Variants in CBLB observed in about 807,000 individuals in gnomAD.
CBLB encodes the protein Cbl proto-oncogene B, also known as E3 ubiquitin-protein ligase CBL-B.
CBLB carries 31 observed loss-of-function variants against 104.9 expected under a neutral mutation model. The observed-to-expected ratio is 0.30, with a 90% confidence interval of 0.22 to 0.40. CBLB has a LOEUF of 0.40. Among genes scored for constraint, CBLB ranks in the 10% least tolerant of loss-of-function variants. CBLB has a pLI of 1.00. For synonymous variants in CBLB, 440 were observed against 422.6 expected, an observed-to-expected ratio of 1.04 and a Z score of -0.51; for missense variants, 1,062 against 1,214.6, an observed-to-expected ratio of 0.87 and a Z score of 1.87.
chr3:105,704,804 C>CTAAT (rs35987782), intron 10 of CBLB, among the ~76,000 whole-genome samples: 38,230 of 151,786 alleles, frequency 0.25, 4,983 homozygotes, highest in Non-Finnish European at 0.28. Context: ...CTGGCAAAAA[C>CTAAT]TAAGTTTCTG....
chr3:105,688,281 T>A, intron 13 of CBLB, among the ~76,000 whole-genome samples: 1 of 152,072 alleles, frequency 6.6e-6, no homozygotes, highest in South Asian at 2.1e-4. Context: ...ATGCTGTTAT[T>A]ACTGAGTTAA....
chr3:105,812,019 T>G (rs1307379072), intron 3 of CBLB, among the ~76,000 whole-genome samples: 1 of 152,066 alleles, frequency 6.6e-6, no homozygotes, highest in East Asian at 1.9e-4. Flanking sequence ...CCTTTTTTTT[T>G]GTTTTGTTTT....
intron 17 of CBLB, chr3:105,671,440 CT>C (rs2065050612): frequency 4.6e-6 from 1 of 216,302 alleles, no homozygotes; most frequent in African/African-American, 2.2e-5. Context: ...TGGCAAATAG[CT>C]TGCACTTAAT....
At chr3:105,775,003 C>T (rs1173707035) in intron 4 of CBLB, among the ~76,000 whole-genome samples, 2 of 152,164 alleles carry the variant, frequency 1.3e-5, no homozygotes, top group Non-Finnish European at 2.9e-5. Context: ...CTGAACCTGG[C>T]AAGATTGTTC....
chr3:105,755,472 G>T lies in CBLB; in HGVS notation c.567-3854C>A, dbSNP rs184135411. Among the ~76,000 whole-genome samples the T allele has an allele frequency of 9.0e-4, 133 of 148,126 alleles. 1 individual carries two copies. The highest frequency in any genetic ancestry group is 3.2e-3 in the African/African-American group (129 of 40,052). ...ATTTTAAGAAAAGGTAAGAAGAATG[G>T]AAAATAGAAAGTGTGAGGAGAATGA... On this transcript the variant is annotated intron_variant, in intron 4 of 18. Transcript: ENST00000394030.
At chr3:105,733,892 C>T (rs2074614403) in intron 9 of CBLB, 117 bp downstream of exon 9, 3 of 883,768 alleles carry the variant, frequency 3.4e-6, no homozygotes, top group Non-Finnish European at 5.4e-6. Flanking sequence ...AAAATCTTTA[C>T]ACAATCATTT....
At chr3:105,766,005 T>C (rs2078180542) in intron 4 of CBLB, among the ~76,000 whole-genome samples, 1 of 152,136 alleles carries the variant, frequency 6.6e-6, no homozygotes, top group South Asian at 2.1e-4. Flanking sequence ...CTAATGCCAC[T>C]AAGAACATTT....
chr3:105,782,458 A>G (rs1013810844), intron 3 of CBLB, among the ~76,000 whole-genome samples: 1 of 152,020 alleles, frequency 6.6e-6, no homozygotes, highest in Non-Finnish European at 1.5e-5. Context: ...AAGATCTTAC[A>G]TTTCCTTTGT....
chr3:105,718,415 G>A (rs1224647265), intron 10 of CBLB, among the ~76,000 whole-genome samples: 1 of 152,164 alleles, frequency 6.6e-6, no homozygotes, highest in African/African-American at 2.4e-5. Flanking sequence ...CTAAGGGAAT[G>A]TATTTGGTCA....
At chr3:105,800,686 C>G (rs1453562122) in intron 3 of CBLB, among the ~76,000 whole-genome samples, 1 of 152,074 alleles carries the variant, frequency 6.6e-6, no homozygotes, top group Non-Finnish European at 1.5e-5. Flanking sequence ...CAAACCCCCC[C>G]ACCCACTTCC....
intron 10 of CBLB, among the ~76,000 whole-genome samples, chr3:105,708,899 A>G (rs1040233513): frequency 1.3e-5 from 2 of 152,002 alleles, no homozygotes; most frequent in Non-Finnish European, 2.9e-5. Flanking sequence ...TTTGATGTAA[A>G]AGGGACAGAA....
chr3:105,760,836 C>T (rs185580634), intron 4 of CBLB, among the ~76,000 whole-genome samples: 3 of 152,264 alleles, frequency 2.0e-5, no homozygotes, highest in Non-Finnish European at 2.9e-5. Context: ...TTTAATAAAA[C>T]TACTGATATT....
intron 17 of CBLB, among the ~76,000 whole-genome samples, chr3:105,677,446 C>A (rs568983038): frequency 7.3e-5 from 11 of 151,366 alleles, no homozygotes; most frequent in Admixed American, 3.3e-4. Context: ...AATAAAGATT[C>A]TCAAGTTTCC....
At chr3:105,661,746 T>A (rs1175586789) in intron 18 of CBLB, among the ~76,000 whole-genome samples, 1 of 152,188 alleles carries the variant, frequency 6.6e-6, no homozygotes, top group African/African-American at 2.4e-5. Flanking sequence ...CGCTAAGATC[T>A]TGGGCTAAGC....
chr3:105,835,097 C>T (rs1227281140), intron 3 of CBLB, among the ~76,000 whole-genome samples: 1 of 152,072 alleles, frequency 6.6e-6, no homozygotes. Context: ...ATTTTAACTG[C>T]AAAAAGGAAT....
At chr3:105,769,441 T>C (rs908507282) in intron 4 of CBLB, among the ~76,000 whole-genome samples, 13 of 152,154 alleles carry the variant, frequency 8.5e-5, no homozygotes, top group Non-Finnish European at 1.6e-4. Context: ...AACCTCTCAA[T>C]TGAGAAATGG....
chr3:105,722,229 G>GA (rs1559959298), intron 9 of CBLB, among the ~76,000 whole-genome samples: 2 of 138,594 alleles, frequency 1.4e-5, no homozygotes, highest in Non-Finnish European at 3.2e-5. Flanking sequence ...GAAAAGAAAA[G>GA]AAAAAAAGAA....
chr3:105,687,552 G>T (rs888991954), intron 13 of CBLB, among the ~76,000 whole-genome samples: 4 of 151,874 alleles, frequency 2.6e-5, no homozygotes, highest in African/African-American at 7.2e-5. Context: ...AGATTTTAGA[G>T]AATTATATCT....
chr3:105,660,119 C>A (rs2063641727), intron 18 of CBLB, among the ~76,000 whole-genome samples: 1 of 152,146 alleles, frequency 6.6e-6, no homozygotes, highest in Admixed American at 6.5e-5. Context: ...GCACTTTCAT[C>A]ATGTATTTCC....
Sources: gnomAD v4.1 joint callset for allele counts (sites outside exome capture counted in the v4.1 genomes callset) on GRCh38, gnomAD v4.1.1 for gene constraint, MANE v1.5 for transcripts, NCBI Gene and HGNC (gene_info 2026-07-23, HGNC 2026-07-21) for gene names.